Variants in MAGI3 observed in about 807,000 individuals in gnomAD.
MAGI3 encodes membrane-associated guanylate kinase, WW and PDZ domain-containing protein 3.
A neutral mutation model predicts 121.8 loss-of-function variants in MAGI3; 43 were observed. The observed-to-expected ratio is 0.35, with a 90% CI of 0.28 to 0.46. MAGI3 has a LOEUF of 0.46. MAGI3 is among the 20% of genes least tolerant of loss of function. MAGI3 has a pLI of 1.00. For missense variants in MAGI3, 1,547 were observed against 1,797.3 expected (o/e 0.86, Z 2.52); for synonymous variants, 553 against 639.3 (o/e 0.86, Z 2.04).
intron 1 of MAGI3, among the ~76,000 whole-genome samples, chr1:113,541,432 G>C (rs1453885534): frequency 6.6e-6 from 1 of 152,160 alleles, no homozygotes; most frequent in Non-Finnish European, 1.5e-5. Flanking sequence ...ACTGTAACTT[G>C]AAAAACTGAC....
intron 2 of MAGI3, among the ~76,000 whole-genome samples, chr1:113,558,967 A>G (rs1430081025): frequency 6.6e-6 from 1 of 152,238 alleles, no homozygotes; most frequent in Non-Finnish European, 1.5e-5. Flanking sequence ...TAAGCAAAGG[A>G]GAATTAATAT....
intron 2 of MAGI3, among the ~76,000 whole-genome samples, chr1:113,569,731 G>C (rs1280186124): frequency 1.3e-5 from 2 of 152,104 alleles, no homozygotes; most frequent in Non-Finnish European, 2.9e-5. Flanking sequence ...AAGCATCTTA[G>C]AATAGATGAA....
At position 113,580,637 on chromosome 1, in the gene MAGI3, T is replaced by C. The variant is rs1647963251; in HGVS notation, c.529T>C (p.Leu177=). The change falls in exon 3 of 21, where the codon TTG becomes CTG. Residue 177 remains leucine, a synonymous_variant. Coordinates refer to ENST00000307546, the MANE Select transcript of MAGI3 (RefSeq NM_001142782.2). ...CAAAGCACTGGAAGAGAGTGGAGCA[T>C]TGTTAGAAAGTGGGACATATGATGG... is the stretch of plus-strand genomic sequence containing the variant. ...QFKALEESGA[L]LESGTYDGNF... 2 of 1,608,678 alleles carry C rather than the reference T, an allele frequency of 1.2e-6. No individual in the cohort carries two copies. The highest frequency in any genetic ancestry group is 1.7e-5 in the Admixed American group (1 of 59,442).
intron 6 of MAGI3, among the ~76,000 whole-genome samples, chr1:113,599,405 C>A (rs894825809): frequency 1.3e-5 from 2 of 152,166 alleles, no homozygotes; most frequent in Admixed American, 6.5e-5. Flanking sequence ...ACCGATCCCA[C>A]AGAAATAAAA....
At chr1:113,654,669 T>C (rs1407063811) in intron 15 of MAGI3, among the ~76,000 whole-genome samples, 2 of 152,138 alleles carry the variant, frequency 1.3e-5, no homozygotes, top group Non-Finnish European at 2.9e-5. Flanking sequence ...AAAGGAGGAA[T>C]TACATCTGAT....
chr1:113,612,313 C>T (rs1650203233), intron 6 of MAGI3, among the ~76,000 whole-genome samples: 1 of 152,094 alleles, frequency 6.6e-6, no homozygotes, highest in Non-Finnish European at 1.5e-5. Context: ...TATTCCTCTG[C>T]ACTCCCCAAA....
At chr1:113,519,098 C>T (rs1434381643) in intron 1 of MAGI3, among the ~76,000 whole-genome samples, 1 of 151,806 alleles carries the variant, frequency 6.6e-6, no homozygotes, top group Non-Finnish European at 1.5e-5. Flanking sequence ...ACCAAAGCCT[C>T]AAGAATTTGG....
At chr1:113,433,713 C>G (rs924766620) in intron 1 of MAGI3, among the ~76,000 whole-genome samples, 1 of 151,758 alleles carries the variant, frequency 6.6e-6, no homozygotes, top group African/African-American at 2.4e-5. Flanking sequence ...AATAATAAAC[C>G]ATTTAGAGAA....
At chr1:113,624,408 G>C (rs1179674709) in intron 9 of MAGI3, among the ~76,000 whole-genome samples, 1 of 152,148 alleles carries the variant, frequency 6.6e-6, no homozygotes, top group East Asian at 1.9e-4. Context: ...TTTTTAACCA[G>C]GGCAAGAAGA....
intron 2 of MAGI3, among the ~76,000 whole-genome samples, chr1:113,560,740 TAGA>T (rs1408378644): frequency 3.3e-5 from 5 of 151,864 alleles, no homozygotes; most frequent in African/African-American, 9.7e-5. Flanking sequence ...ACCCCAAAGC[TAGA>T]AGAAGACAAG....
At chr1:113,465,159 AT>A (rs1481489865) in intron 1 of MAGI3, among the ~76,000 whole-genome samples, 3 of 151,920 alleles carry the variant, frequency 2.0e-5, no homozygotes, top group Non-Finnish European at 4.4e-5. Flanking sequence ...TATTTTATCC[AT>A]TTTGCTTTGA....
At chr1:113,440,013 A>C (rs1473696518) in intron 1 of MAGI3, among the ~76,000 whole-genome samples, 1 of 151,986 alleles carries the variant, frequency 6.6e-6, no homozygotes, top group Non-Finnish European at 1.5e-5. Context: ...CATCATACAG[A>C]CCTGGATTTG....
intron 1 of MAGI3, among the ~76,000 whole-genome samples, chr1:113,521,391 G>A (rs979983339): frequency 4.8e-5 from 7 of 145,996 alleles, no homozygotes; most frequent in Non-Finnish European, 9.0e-5. Context: ...TGGCCAGTTA[G>A]TGCTGTTTTT....
At chr1:113,481,566 A>G (rs1000538066) in intron 1 of MAGI3, among the ~76,000 whole-genome samples, 16 of 151,572 alleles carry the variant, frequency 1.1e-4, no homozygotes, top group African/African-American at 3.9e-4. Flanking sequence ...CTTGATTTTT[A>G]ATTCTTTAAT....
intron 2 of MAGI3, among the ~76,000 whole-genome samples, chr1:113,563,303 A>G (rs1338031054): frequency 6.6e-6 from 1 of 152,220 alleles, no homozygotes; most frequent in Non-Finnish European, 1.5e-5. Flanking sequence ...TTTATTACCC[A>G]TTGCCTCTTG....
chr1:113,503,461 C>G (rs939288519), intron 1 of MAGI3, among the ~76,000 whole-genome samples: 1 of 151,744 alleles, frequency 6.6e-6, no homozygotes, highest in Non-Finnish European at 1.5e-5. Context: ...TATTACCTGA[C>G]ATGTACTAAA....
chr1:113,476,801 T>C (rs1438926985), intron 1 of MAGI3, among the ~76,000 whole-genome samples: 4 of 152,206 alleles, frequency 2.6e-5, no homozygotes, highest in Non-Finnish European at 4.4e-5. Flanking sequence ...CTCATTGATC[T>C]CTCTAATATT....
chr1:113,554,269 A>G (rs1325409282), intron 2 of MAGI3, among the ~76,000 whole-genome samples: 4 of 150,794 alleles, frequency 2.7e-5, no homozygotes, highest in African/African-American at 4.9e-5. Context: ...GAAAAATTAT[A>G]TATAAATATT....
chr1:113,681,371 G>A (rs749992815), intron 20 of MAGI3, 35 bp downstream of exon 20: 1 of 1,601,320 alleles, frequency 6.2e-7, no homozygotes, highest in Non-Finnish European at 8.5e-7. Flanking sequence ...CTGAAAAGTT[G>A]TATATTAGGG....
Sources: allele counts gnomAD v4.1 joint callset (sites outside exome capture counted in the v4.1 genomes callset), GRCh38; gene constraint gnomAD v4.1.1; transcripts MANE v1.5; gene names NCBI Gene and HGNC (gene_info 2026-07-23, HGNC 2026-07-21).